Variants in ELAPOR1 observed in about 807,000 individuals in gnomAD.
ELAPOR1 encodes endosome-lysosome associated apoptosis and autophagy regulator 1, also known as endosome/lysosome-associated apoptosis and autophagy regulator 1.
In ELAPOR1, 77 loss-of-function variants were observed where a neutral mutation model predicts 119.7. That is an observed-to-expected ratio of 0.64 (90% CI 0.54 to 0.78). The LOEUF is 0.78. Among genes scored for constraint, ELAPOR1 ranks in the 30% least tolerant of loss-of-function variants. The pLI, the probability that ELAPOR1 is intolerant of heterozygous loss-of-function variation, is 0.00. For synonymous variants in ELAPOR1, 481 were observed against 487.2 expected (o/e 0.99, Z 0.17); for missense variants, 1,115 against 1,270.4 (o/e 0.88, Z 1.86).
chr1:109,175,388 G>A (rs530503880), intron 7 of ELAPOR1, among the ~76,000 whole-genome samples: 1 of 148,330 alleles, frequency 6.7e-6, no homozygotes, highest in South Asian at 2.1e-4. Context: ...TTTTAGTAGC[G>A]ACAGGGTTTC....
intron 15 of ELAPOR1, among the ~76,000 whole-genome samples, chr1:109,197,026 G>A (rs1310051619): frequency 1.3e-5 from 2 of 151,810 alleles, no homozygotes; most frequent in Admixed American, 1.3e-4. Flanking sequence ...TGTTGACTGG[G>A]CACAGTGGCT....
Position 109,173,466 on chromosome 1 carries a change from G to C in ELAPOR1, c.697-8G>C. 10 of 1,612,474 alleles carry C rather than the reference G, an allele frequency of 6.2e-6. No individual in the cohort carries two copies. The highest frequency in any genetic ancestry group is 8.5e-6 in the Non-Finnish European group (10 of 1,178,888). ...TGATGAATGAATGCTCCTGTTTGTG[G>C]TTTTTAGGTGGAGCTAAATCGAGGC... is the stretch of plus-strand genomic sequence containing the variant. On this transcript the variant is annotated splice_polypyrimidine_tract_variant and splice_region_variant and intron_variant, in intron 5 of 21. Coordinates refer to ENST00000369939, the MANE Select transcript of ELAPOR1 (RefSeq NM_020775.5).
At chr1:109,144,035 A>T (rs1179203564) in intron 1 of ELAPOR1, among the ~76,000 whole-genome samples, 2 of 41,840 alleles carry the variant, frequency 4.8e-5, no homozygotes, top group Non-Finnish European at 5.2e-5. Flanking sequence ...TTCTAAAATT[A>T]TATATATATA....
chr1:109,187,640 G>A (rs1302184237), intron 8 of ELAPOR1: 1 of 1,001,872 alleles, frequency 1.0e-6, no homozygotes, highest in Non-Finnish European at 1.2e-6. Flanking sequence ...CCAATGCAGG[G>A]GCCATGTTTC....
At chr1:109,115,232 T>A (rs1002004001) in intron 1 of ELAPOR1, among the ~76,000 whole-genome samples, 47 of 152,194 alleles carry the variant, frequency 3.1e-4, no homozygotes, top group African/African-American at 1.1e-3. Context: ...TCTGAGCAAC[T>A]TTTTTAGAAA....
At chr1:109,197,684 T>TGA (rs375471602) in intron 16 of ELAPOR1, 30 bp downstream of exon 16, 54,384 of 1,483,246 alleles carry the variant, frequency 0.037, 438 homozygotes, top group Middle Eastern at 0.07. Flanking sequence ...CAGCCTTGTT[T>TGA]GAGAGTGTGT....
At chr1:109,160,506 C>T (rs1031666278) in intron 1 of ELAPOR1, among the ~76,000 whole-genome samples, 5 of 152,036 alleles carry the variant, frequency 3.3e-5, no homozygotes, top group East Asian at 1.9e-4. Flanking sequence ...GTGGAAAAAG[C>T]GTGCATCTTG....
At chr1:109,165,234 C>G (rs1241393375) in intron 3 of ELAPOR1, among the ~76,000 whole-genome samples, 4 of 152,050 alleles carry the variant, frequency 2.6e-5, no homozygotes, top group African/African-American at 9.7e-5. Flanking sequence ...CAAGGTTAGA[C>G]TGAGCTATGA....
chr1:109,201,804 G>A lies in ELAPOR1; in HGVS notation c.2973+904G>A, dbSNP rs80341833. Among the ~76,000 whole-genome samples the A allele has an allele frequency of 7.1e-3, 1,083 of 152,304 alleles. 7 individuals are homozygous for A. Among genetic ancestry groups the A allele is most frequent in the African/African-American group, 0.025 (1,029 of 41,564 alleles). On this transcript the variant is annotated intron_variant, in intron 21 of 21. Transcript: ENST00000369939. ...GGGACTGCTAGAATTCAGCAAAGGT[G>A]CAAAGCAGGGGATTTTTAAGATTTT...
rs578247407 is a variant in ELAPOR1 at position 109,164,802 on chromosome 1, G to A, written c.467+111G>A. 4 of 1,091,320 alleles carry A rather than the reference G, an allele frequency of 3.7e-6. No homozygotes were observed. The African/African-American group carries it at 6.4e-5, about 17-fold the overall frequency. The allele number at this position is 1,091,320 out of a possible 1,614,324, so 67.6% of individuals were successfully genotyped here. A position where few individuals can be genotyped will look rare whatever the true frequency, so the allele number is the denominator to read the frequency against. On this transcript the variant is annotated intron_variant, in intron 3 of 21. Coordinates refer to ENST00000369939, the MANE Select transcript of ELAPOR1 (RefSeq NM_020775.5). ...TCAGGCTGGGCAGGGAGGATGGAGG[G>A]AAGAGGAAGCCAGGCTGCCAGGGTG...
intron 1 of ELAPOR1, among the ~76,000 whole-genome samples, chr1:109,157,587 G>A (rs1371330083): frequency 6.6e-6 from 1 of 152,164 alleles, no homozygotes; most frequent in Non-Finnish European, 1.5e-5. Context: ...CTATACAGCA[G>A]CCCAGCCCCT....
intron 1 of ELAPOR1, among the ~76,000 whole-genome samples, chr1:109,136,862 G>A (rs575845843): frequency 9.8e-5 from 15 of 152,312 alleles, no homozygotes; most frequent in Admixed American, 7.9e-4. Context: ...ACAGACACAC[G>A]TGAGTCAAAT....
intron 7 of ELAPOR1, among the ~76,000 whole-genome samples, chr1:109,181,673 C>T (rs1652702384): frequency 6.6e-6 from 1 of 152,122 alleles, no homozygotes; most frequent in Non-Finnish European, 1.5e-5. Flanking sequence ...CGTTTTCAGC[C>T]TCTCTCCCCA....
At chr1:109,167,730 C>T (rs1475794398) in intron 3 of ELAPOR1, among the ~76,000 whole-genome samples, 2 of 152,204 alleles carry the variant, frequency 1.3e-5, no homozygotes, top group African/African-American at 2.4e-5. Flanking sequence ...CCACCTCAAC[C>T]TCCCGCGTAG....
chr1:109,118,433 A>C lies in ELAPOR1; in HGVS notation c.153+4097A>C, dbSNP rs17567119. ...TGGCAGAGATAGCAGCCTAAGCAGA[A>C]TGGATTAGCATGAATATAAAGTAAG... On this transcript the variant is annotated intron_variant, in intron 1 of 21. Coordinates refer to ENST00000369939, the MANE Select transcript of ELAPOR1 (RefSeq NM_020775.5). Among the ~76,000 whole-genome samples the C allele has an allele frequency of 4.7e-3, 716 of 152,338 alleles. 2 individuals are homozygous for C. The highest frequency in any genetic ancestry group is 8.3e-3 in the Non-Finnish European group (565 of 68,030).
chr1:109,165,889 G>A (rs1651569925), intron 3 of ELAPOR1, among the ~76,000 whole-genome samples: 1 of 151,034 alleles, frequency 6.6e-6, no homozygotes, highest in South Asian at 2.1e-4. Flanking sequence ...GGTTACAGGT[G>A]TGTGTGCCAC....
chr1:109,169,941 G>A (rs1230028653), intron 3 of ELAPOR1, among the ~76,000 whole-genome samples: 1 of 152,128 alleles, frequency 6.6e-6, no homozygotes, highest in East Asian at 1.9e-4. Flanking sequence ...GTCCATCAAC[G>A]AGTAATGCAC....
intron 1 of ELAPOR1, among the ~76,000 whole-genome samples, chr1:109,151,523 A>T (rs1650528407): frequency 6.6e-6 from 1 of 152,246 alleles, no homozygotes. Flanking sequence ...TACAGAAACC[A>T]GGAGTTCACA....
At chr1:109,141,637 G>C (rs909807281) in intron 1 of ELAPOR1, among the ~76,000 whole-genome samples, 1 of 151,990 alleles carries the variant, frequency 6.6e-6, no homozygotes, top group Non-Finnish European at 1.5e-5. Flanking sequence ...ATTAGATATG[G>C]AATGCTGCTG....
Sources: allele counts gnomAD v4.1 joint callset (sites outside exome capture counted in the v4.1 genomes callset), GRCh38; gene constraint gnomAD v4.1.1; transcripts MANE v1.5; gene names NCBI Gene and HGNC (gene_info 2026-07-23, HGNC 2026-07-21).